Variants in TMEM231 observed in about 807,000 individuals in gnomAD.
TMEM231 encodes transmembrane protein 231.
A neutral mutation model predicts 38.5 loss-of-function variants in TMEM231; 40 were observed. The ratio of observed to expected loss-of-function variants is 1.04; its 90% CI spans 0.81 to 1.35. The LOEUF is 1.35. Among genes scored for constraint, TMEM231 ranks in the 40% most tolerant of loss-of-function variants. TMEM231 has a pLI of 0.00. For missense variants in TMEM231, 420 were observed against 416.9 expected, an observed-to-expected ratio of 1.01 and a Z score of -0.07; for synonymous variants, 199 against 181.7, an observed-to-expected ratio of 1.10 and a Z score of -0.77.
intron 4 of TMEM231, among the ~76,000 whole-genome samples, chr16:75,544,758 A>C (rs763908756): frequency 5.3e-5 from 8 of 152,080 alleles, no homozygotes; most frequent in South Asian, 2.1e-4. Flanking sequence ...GTGTGTGTGC[A>C]CCCACGTGGA....
At chr16:75,540,262 G>A (rs1010335483) in intron 6 of TMEM231, 88 bp from the exon 7 acceptor site, 30 of 1,350,126 alleles carry the variant, frequency 2.2e-5, no homozygotes, top group Middle Eastern at 1.9e-4. Flanking sequence ...GAGGTATCTC[G>A]AAAGGAGGCA....
chr16:75,539,921 A>T lies in TMEM231; in HGVS notation c.*73T>A. 1 of 1,374,366 alleles carries T rather than the reference A, an allele frequency of 7.3e-7. No homozygotes were observed. Among genetic ancestry groups the T allele is most frequent in the Admixed American group, 2.5e-5 (1 of 39,882 alleles). 85.1% of individuals were successfully genotyped at this position (1,374,366 alleles called of 1,614,324 possible). On this transcript the variant is annotated 3_prime_UTR_variant, in exon 7 of 7. Transcript: ENST00000258173. ...GCAGGTGTCCGCTGGGCTCTTTCAA[A>T]AGGTCCTAAGATGTTCCCAGAAGAT...
rs1032438277 is a variant in TMEM231 at position 75,537,398 on chromosome 16, G to C, written c.*2596C>G. The C allele has an allele frequency of 2.0e-5, 3 of 151,820 alleles. No individual in the cohort carries two copies. The highest frequency in any genetic ancestry group is 7.3e-5 in the African/African-American group (3 of 41,368). 9.4% of individuals were successfully genotyped at this position (151,820 alleles called of 1,614,324 possible). A position where few individuals can be genotyped will look rare whatever the true frequency, so the allele number is the denominator to read the frequency against. Reference sequence around the variant, plus strand: ...CTGTACTAATCATTTGGCAAAATCAGGAGTCTTTCTGCCTCCAAATATTCA... The same window carrying C: ...CTGTACTAATCATTTGGCAAAATCACGAGTCTTTCTGCCTCCAAATATTCA... On this transcript the variant is annotated 3_prime_UTR_variant, in exon 7 of 7. Transcript: ENST00000258173.
chr16:75,555,506 CG>C, intron 2 of TMEM231: 2 of 381,276 alleles, frequency 5.2e-6, no homozygotes, highest in Non-Finnish European at 9.3e-6. Flanking sequence ...GCCAGGCCCG[CG>C]GGTGTGACCC....
chr16:75,540,301 G>A, intron 6 of TMEM231, 127 bp from the exon 7 acceptor site: 1 of 920,528 alleles, frequency 1.1e-6, no homozygotes, highest in Admixed American at 3.1e-5. Context: ...CACCCAGATG[G>A]AAGCTGACCT....
At chr16:75,554,831 GTTTT>G (rs1295852235) in intron 2 of TMEM231, 5 of 152,078 alleles carry the variant, frequency 3.3e-5, no homozygotes, top group Non-Finnish European at 1.5e-5. Context: ...AGTAATTCCG[GTTTT>G]TTGTCATTAC....
chr16:75,541,384 T>C lies in TMEM231; in HGVS notation c.736A>G (p.Asn246Asp), dbSNP rs776577271. 1.2e-6 allele frequency: 2 copies of C among 1,611,946 alleles called. No homozygotes were observed. Among genetic ancestry groups the C allele is most frequent in the Admixed American group, 3.3e-5 (2 of 59,772 alleles). Reference protein sequence around the residue: ...GRAADAPFVINAIIRYPVEVI... With the variant: ...GRAADAPFVIDAIIRYPVEVI... ...TCCACAGGGTATCGGATGATAGCAT[T>C]AATCACAAATGGAGCATCTGCGGCC... Residue 246 changes from asparagine to aspartate, a missense_variant, in exon 6 of 7, where the codon AAT (asparagine) becomes GAT (aspartate). Coordinates refer to ENST00000258173, the MANE Select transcript of TMEM231 (RefSeq NM_001077418.3).
Position 75,555,830 on chromosome 16 carries a change from C to A in TMEM231, c.283G>T (p.Asp95Tyr). The change falls in exon 2 of 7, where the codon GAT becomes TAT. Residue 95 changes from aspartate (D) to tyrosine (Y), a missense_variant. Physicochemically the swap from Asp to Tyr is radical, Grantham distance 160. Coordinates refer to ENST00000258173, the MANE Select transcript of TMEM231 (RefSeq NM_001077418.3). ...GAAACGAGCGGGACGCGCAGGCGAT[C>A]CCCTTGCAGCCGGTTGAAGGCGGGG... Reference protein sequence around the residue: ...TFPAFNRLQGDRLRVPLVSTR... With the variant: ...TFPAFNRLQGYRLRVPLVSTR... 3 of 1,564,906 alleles carry A rather than the reference C, an allele frequency of 1.9e-6. No individual in the cohort carries two copies. Among genetic ancestry groups the A allele is most frequent in the Non-Finnish European group, 1.7e-6 (2 of 1,155,236 alleles).
chr16:75,551,235 C>G (rs2080757264), intron 2 of TMEM231, among the ~76,000 whole-genome samples: 1 of 151,884 alleles, frequency 6.6e-6, no homozygotes, highest in East Asian at 1.9e-4. Context: ...GATACAGGGT[C>G]AAAAAAGGCT....
intron 2 of TMEM231, among the ~76,000 whole-genome samples, chr16:75,550,326 T>C (rs556416280): frequency 1.3e-4 from 20 of 152,324 alleles, no homozygotes; most frequent in African/African-American, 4.6e-4. Flanking sequence ...TGTTTGCTGG[T>C]TGTCCCTGTT....
chr16:75,550,069 A>G (rs2080740095), intron 2 of TMEM231, among the ~76,000 whole-genome samples: 1 of 152,202 alleles, frequency 6.6e-6, no homozygotes, highest in Admixed American at 6.5e-5. Context: ...GAAGACGTAA[A>G]AAGGGGATAT....
chr16:75,552,547 C>T (rs1357107876), intron 2 of TMEM231, among the ~76,000 whole-genome samples: 1 of 152,186 alleles, frequency 6.6e-6, no homozygotes, highest in Admixed American at 6.5e-5. Context: ...GGAGAGCTTT[C>T]CTGTTTTTAA....
At chr16:75,555,700 G>A (rs916663182) in intron 2 of TMEM231, 104 bp downstream of exon 2, 6 of 1,253,278 alleles carry the variant, frequency 4.8e-6, no homozygotes, top group Non-Finnish European at 6.3e-6. Context: ...TAGGATCAAA[G>A]CTGGGCTCCC....
chr16:75,556,093 C>A lies in TMEM231; in HGVS notation c.117G>T (p.Leu39=). 1 of 1,569,436 alleles carries A rather than the reference C, an allele frequency of 6.4e-7. No individual in the cohort carries two copies. The highest frequency in any genetic ancestry group is 2.4e-5 in the East Asian group (1 of 41,958). ...LAAALTYIPP[L]LVAFRSHGFW... is the part of the protein sequence containing the mutation. ...CACCGTGGCTCCGGAAGGCCACCAG[C>A]AGCGGCGGGATGTACGTGAGCGCAG... Residue 39 remains leucine, a synonymous_variant, in exon 1 of 7, where the codon CTG becomes CTT. Coordinates refer to ENST00000258173, the MANE Select transcript of TMEM231 (RefSeq NM_001077418.3).
At position 75,545,785 on chromosome 16, in the gene TMEM231, A is replaced by AG. The variant is rs1268661931; in HGVS notation, c.438+40dup. 5 of 858,712 alleles carry AG rather than the reference A, an allele frequency of 5.8e-6. No homozygotes were observed. The East Asian group carries it at 8.3e-5, about 14-fold the overall frequency. The allele number at this position is 858,712 out of a possible 1,614,324, so 53.2% of individuals were successfully genotyped here. On this transcript the variant is annotated intron_variant, in intron 3 of 6. Transcript: ENST00000258173. ...GAAGAAGGACTCTGGTCTACTAAAA[A>AG]GACACAAGGGAGAGGACAGCCTCCC...
intron 2 of TMEM231, among the ~76,000 whole-genome samples, chr16:75,548,312 T>G (rs960655671): frequency 6.6e-6 from 1 of 152,194 alleles, no homozygotes; most frequent in Non-Finnish European, 1.5e-5. Flanking sequence ...GTGCACATCC[T>G]TCCATTCCAA....
At chr16:75,547,720 A>C (rs555341018) in intron 2 of TMEM231, among the ~76,000 whole-genome samples, 1 of 152,186 alleles carries the variant, frequency 6.6e-6, no homozygotes, top group South Asian at 2.1e-4. Context: ...TGGAGGTTGC[A>C]GTGAGCCAAG....
intron 2 of TMEM231, among the ~76,000 whole-genome samples, chr16:75,550,905 C>T (rs1000788913): frequency 6.6e-6 from 1 of 151,946 alleles, no homozygotes; most frequent in Non-Finnish European, 1.5e-5. Context: ...TTAGTAGAGA[C>T]GGGGTTTCAC....
chr16:75,556,201 G>C lies in TMEM231; in HGVS notation c.9C>G (p.Leu3=), dbSNP rs1265472774. The C allele has an allele frequency of 5.5e-6, 8 of 1,459,684 alleles. No individual in the cohort carries two copies. The highest frequency in any genetic ancestry group is 7.2e-6 in the Non-Finnish European group (8 of 1,112,858). 90.4% of individuals were successfully genotyped at this position (1,459,684 alleles called of 1,614,324 possible). Residue 3 remains leucine (L), a synonymous_variant, in exon 1 of 7, where the codon CTC becomes CTG. Coordinates refer to ENST00000258173, the MANE Select transcript of TMEM231 (RefSeq NM_001077418.3). MA[L]YELFSHPVER... ...CGACCGGGTGAGAGAAGAGCTCATAGAGCGCCATGAGCACCGCTCGCAGGC... is the reference window on the plus strand; with the variant it reads ...CGACCGGGTGAGAGAAGAGCTCATACAGCGCCATGAGCACCGCTCGCAGGC...
Sources: allele counts gnomAD v4.1 joint callset (sites outside exome capture counted in the v4.1 genomes callset), GRCh38; gene constraint gnomAD v4.1.1; transcripts MANE v1.5; gene names NCBI Gene and HGNC (gene_info 2026-07-23, HGNC 2026-07-21).